CALN1: variants seen among roughly 807,000 people sequenced by gnomAD.
The protein encoded by CALN1 is calneuron 1.
Under a neutral mutation model 30.6 loss-of-function variants are expected in CALN1, and 17 were observed. That is an observed-to-expected ratio of 0.56 (90% confidence interval 0.38 to 0.83). The LOEUF (loss-of-function observed/expected upper bound fraction) is 0.83. Ranked by LOEUF, CALN1 falls within the 40% of genes least tolerant of loss-of-function variation. CALN1 has a pLI of 0.00. For missense variants in CALN1, 291 were observed against 354.9 expected (o/e 0.82, Z 1.45); for synonymous variants, 156 against 131.4 (o/e 1.19, Z -1.28).
intron 3 of CALN1, among the ~76,000 whole-genome samples, chr7:72,143,630 C>A (rs1176497797): frequency 6.6e-6 from 1 of 152,102 alleles, no homozygotes; most frequent in African/African-American, 2.4e-5. Flanking sequence ...GAGAACGCTA[C>A]AAAGATACTC....
At chr7:71,898,132 C>T (rs1793651827) in intron 5 of CALN1, among the ~76,000 whole-genome samples, 1 of 151,362 alleles carries the variant, frequency 6.6e-6, no homozygotes, top group African/African-American at 2.4e-5. Context: ...GAGTTCGAGA[C>T]CAGCCTGGCC....
At chr7:71,801,453 T>TATCTATCTATCTA (rs1787308705) in intron 6 of CALN1, among the ~76,000 whole-genome samples, 1 of 151,586 alleles carries the variant, frequency 6.6e-6, no homozygotes, top group African/African-American at 2.4e-5. Context: ...TCTATCTATC[T>TATCTATCTATCTA]ATCTATCTAT....
At chr7:72,228,916 C>T (rs1391693178) in intron 3 of CALN1, among the ~76,000 whole-genome samples, 9 of 150,612 alleles carry the variant, frequency 6.0e-5, no homozygotes, top group Admixed American at 6.0e-4. Context: ...CACATGCCAC[C>T]ATGCCTGGCA....
At chr7:71,921,832 C>G (rs147154152) in intron 5 of CALN1, among the ~76,000 whole-genome samples, 259 of 151,978 alleles carry the variant, frequency 1.7e-3, no homozygotes, top group African/African-American at 6.0e-3. Context: ...ACCATCCCCC[C>G]CGCCGCCATC....
chr7:71,978,431 C>T (rs1165259260), intron 5 of CALN1, among the ~76,000 whole-genome samples: 1 of 151,714 alleles, frequency 6.6e-6, no homozygotes, highest in East Asian at 1.9e-4. Context: ...CCCCACCACG[C>T]CCAGCTAATT....
chr7:72,032,421 C>T (rs1801518199), intron 4 of CALN1, among the ~76,000 whole-genome samples: 1 of 152,156 alleles, frequency 6.6e-6, no homozygotes, highest in Admixed American at 6.5e-5. Flanking sequence ...GAACTCCTGG[C>T]CTCATGTGAT....
intron 5 of CALN1, among the ~76,000 whole-genome samples, chr7:71,843,812 T>A (rs1790081617): frequency 6.6e-6 from 1 of 152,218 alleles, no homozygotes; most frequent in Non-Finnish European, 1.5e-5. Context: ...AAGCCCTCTA[T>A]AAATGTTAAT....
At chr7:71,878,047 T>C (rs1348571341) in intron 5 of CALN1, among the ~76,000 whole-genome samples, 1 of 152,176 alleles carries the variant, frequency 6.6e-6, no homozygotes, top group Non-Finnish European at 1.5e-5. Flanking sequence ...TTCTAACAAG[T>C]TCCCAGGTGA....
At chr7:72,061,738 C>T (rs1004920955) in intron 4 of CALN1, among the ~76,000 whole-genome samples, 4 of 137,278 alleles carry the variant, frequency 2.9e-5, no homozygotes, top group Non-Finnish European at 4.6e-5. Context: ...TAGCCAAAAA[C>T]TTTCTAAATT....
At chr7:71,815,290 T>G (rs1025235743) in intron 5 of CALN1, among the ~76,000 whole-genome samples, 2 of 152,168 alleles carry the variant, frequency 1.3e-5, no homozygotes, top group African/African-American at 4.8e-5. Context: ...CTACTATATT[T>G]GTTTCCCCTT....
At chr7:72,448,603 C>T (rs1808591985), upstream of CALN1, among the ~76,000 whole-genome samples, 1 of 151,746 alleles carries the variant, frequency 6.6e-6, no homozygotes, top group African/African-American at 2.4e-5. Flanking sequence ...ATGGTGGCAC[C>T]TTGCGTGATC....
intron 3 of CALN1, among the ~76,000 whole-genome samples, chr7:72,236,079 CAAAAA>C (rs11299009): frequency 8.4e-6 from 1 of 118,590 alleles, no homozygotes; most frequent in Non-Finnish European, 1.8e-5. Flanking sequence ...CCATTCTCCA[CAAAAA>C]AAAAAAAAAA....
intron 2 of CALN1, among the ~76,000 whole-genome samples, chr7:72,390,128 C>G (rs905847495): frequency 6.6e-6 from 1 of 151,898 alleles, no homozygotes; most frequent in African/African-American, 2.4e-5. Flanking sequence ...AGCACTGGCT[C>G]TAAGAAATAA....
At chr7:72,322,631 T>G (rs559722081) in intron 2 of CALN1, among the ~76,000 whole-genome samples, 1 of 151,708 alleles carries the variant, frequency 6.6e-6, no homozygotes, top group African/African-American at 2.4e-5. Flanking sequence ...CTCATAGAGA[T>G]AGAGAGTAGA....
At chr7:72,226,321 C>A (rs1793676075) in intron 3 of CALN1, among the ~76,000 whole-genome samples, 1 of 151,678 alleles carries the variant, frequency 6.6e-6, no homozygotes, top group Non-Finnish European at 1.5e-5. Context: ...TTCTCTGAAC[C>A]ATGATTTCCC....
At chr7:72,392,333 T>C (rs1243544334) in intron 2 of CALN1, among the ~76,000 whole-genome samples, 1 of 152,058 alleles carries the variant, frequency 6.6e-6, no homozygotes, top group East Asian at 1.9e-4. Flanking sequence ...CGCAGGATGG[T>C]TGTTGGTTTA....
At chr7:72,023,897 T>C (rs1800881070) in intron 4 of CALN1, 128 bp from the exon 5 acceptor site, 1 of 617,898 alleles carries the variant, frequency 1.6e-6, no homozygotes. Context: ...GCTGGTAACA[T>C]TACTTAAAAC....
At chr7:71,822,229 T>G (rs1333282962) in intron 5 of CALN1, among the ~76,000 whole-genome samples, 1 of 145,214 alleles carries the variant, frequency 6.9e-6, no homozygotes, top group Non-Finnish European at 1.5e-5. Flanking sequence ...TATTTGGCTG[T>G]ACTGTTGTTA....
chr7:72,121,807 A>T (rs2129542256), intron 3 of CALN1, among the ~76,000 whole-genome samples: 2 of 134,794 alleles, frequency 1.5e-5, no homozygotes, highest in East Asian at 7.1e-4. Context: ...TGTTTTGATT[A>T]TTGTAAACAT....
Sources: allele counts gnomAD v4.1 joint callset (sites outside exome capture counted in the v4.1 genomes callset), GRCh38; gene constraint gnomAD v4.1.1; transcripts MANE v1.5; gene names NCBI Gene and HGNC (gene_info 2026-07-23, HGNC 2026-07-21).